The following SLC38A1 variants were observed in gnomAD, a reference collection of about 807,000 sequenced individuals.
SLC38A1 encodes the protein sodium-coupled neutral amino acid symporter 1.
SLC38A1 carries 18 observed loss-of-function variants against 60.3 expected under a neutral mutation model. The observed-to-expected ratio is 0.30, with a 90% CI of 0.21 to 0.44. The LOEUF (loss-of-function observed/expected upper bound fraction) is 0.44, where lower values mean the gene tolerates loss of function less well. SLC38A1 is among the 20% of genes least tolerant of loss of function. The pLI is 1.00. For synonymous variants in SLC38A1, 196 were observed against 212.1 expected (o/e 0.92, Z 0.66); for missense variants, 448 against 587.2 (o/e 0.76, Z 2.45).
At chr12:46,189,975 A>G (rs1230827489) in intron 16 of SLC38A1, among the ~76,000 whole-genome samples, 1 of 152,038 alleles carries the variant, frequency 6.6e-6, no homozygotes, top group African/African-American at 2.4e-5. Flanking sequence ...TCTAGGGTAC[A>G]TGTGCACAAT....
Position 46,185,990 on chromosome 12 carries a change from T to C in SLC38A1, c.*2980A>G, listed in dbSNP as rs557072918. The C allele has an allele frequency of 6.6e-6, 1 of 152,298 alleles. No homozygotes were observed. Among genetic ancestry groups the C allele is most frequent in the Admixed American group, 6.5e-5 (1 of 15,296 alleles). The allele number at this position is 152,298 out of a possible 1,614,324, so 9.4% of individuals were successfully genotyped here. ...AACACCCTCCCTGGAAACAATATTA[T>C]ATTTGATGGTTAGATTCTTTAGCAA... On this transcript the variant is annotated 3_prime_UTR_variant, in exon 17 of 17. Transcript: ENST00000398637.
At chr12:46,266,054 T>C (rs1421324526) in intron 1 of SLC38A1, among the ~76,000 whole-genome samples, 1 of 152,126 alleles carries the variant, frequency 6.6e-6, no homozygotes, top group African/African-American at 2.4e-5. Context: ...AAGACTCTCA[T>C]TTTCAAACTT....
intron 1 of SLC38A1, among the ~76,000 whole-genome samples, chr12:46,256,447 A>C (rs1194995177): frequency 6.6e-6 from 1 of 152,076 alleles, no homozygotes; most frequent in African/African-American, 2.4e-5. Context: ...TACATAGACA[A>C]ACAGAAGACA....
intron 16 of SLC38A1, among the ~76,000 whole-genome samples, chr12:46,195,036 C>CT (rs1481111064): frequency 6.6e-6 from 1 of 152,178 alleles, no homozygotes; most frequent in Non-Finnish European, 1.5e-5. Context: ...GAATTTTCAG[C>CT]TTTTCTGCTC....
chr12:46,224,806 G>C (rs1762546419), intron 5 of SLC38A1, among the ~76,000 whole-genome samples: 1 of 152,126 alleles, frequency 6.6e-6, no homozygotes, highest in African/African-American at 2.4e-5. Flanking sequence ...CTGAAGACTT[G>C]GTGTGTTGCG....
chr12:46,206,691 T>C (rs889346391), intron 8 of SLC38A1, among the ~76,000 whole-genome samples: 6 of 151,938 alleles, frequency 3.9e-5, no homozygotes, highest in Non-Finnish European at 8.8e-5. Context: ...CAAGAGGGAG[T>C]CAAAACACAA....
At chr12:46,256,626 C>T (rs185305785) in intron 1 of SLC38A1, among the ~76,000 whole-genome samples, 1,018 of 101,566 alleles carry the variant, frequency 0.01, 12 homozygotes, top group African/African-American at 0.038. Flanking sequence ...CACACACACA[C>T]ACACACACAC....
rs758329109 is a variant in SLC38A1, at chr12:46,184,153, C to A, written c.*4817G>T. Reference sequence around the variant, plus strand: ...GCCTAAAGAAGGAAAATGTCTGCACCTTGTGAACTTTACATATTTTGCAAG... The same window carrying A: ...GCCTAAAGAAGGAAAATGTCTGCACATTGTGAACTTTACATATTTTGCAAG... On this transcript the variant is annotated 3_prime_UTR_variant, in exon 17 of 17. Coordinates refer to ENST00000398637, the MANE Select transcript of SLC38A1 (RefSeq NM_030674.4). 6.6e-6 allele frequency: 1 copy of A among 152,550 alleles called. No individual in the cohort carries two copies. The highest frequency in any genetic ancestry group is 2.4e-5 in the African/African-American group (1 of 41,436). 9.4% of individuals were successfully genotyped at this position (152,550 alleles called of 1,614,324 possible).
intron 1 of SLC38A1, among the ~76,000 whole-genome samples, chr12:46,255,698 T>C (rs1029239759): frequency 6.6e-6 from 1 of 152,144 alleles, no homozygotes; most frequent in Non-Finnish European, 1.5e-5. Context: ...CCTTGGTAAG[T>C]TTGGGATTTT....
intron 1 of SLC38A1, among the ~76,000 whole-genome samples, chr12:46,261,152 C>A (rs1014399571): frequency 1.3e-5 from 2 of 152,204 alleles, no homozygotes; most frequent in Non-Finnish European, 2.9e-5. Flanking sequence ...TTAAGTATGA[C>A]CTTTCTTTCA....
intron 16 of SLC38A1, among the ~76,000 whole-genome samples, chr12:46,190,547 C>T (rs541586994): frequency 1.9e-4 from 29 of 152,314 alleles, no homozygotes; most frequent in African/African-American, 6.5e-4. Context: ...TTTACACTCC[C>T]ACCAACAGTG....
chr12:46,210,947 G>A (rs1468135425), intron 5 of SLC38A1, among the ~76,000 whole-genome samples: 1 of 152,174 alleles, frequency 6.6e-6, no homozygotes, highest in Non-Finnish European at 1.5e-5. Flanking sequence ...TGAGGGATGT[G>A]AGAAACGGAC....
At position 46,209,131 on chromosome 12, in the gene SLC38A1, A is replaced by C; in HGVS notation, c.315-4T>G. 1 of 1,573,590 alleles carries C rather than the reference A, an allele frequency of 6.4e-7. No homozygotes were observed. The highest frequency in any genetic ancestry group is 1.1e-5 in the South Asian group (1 of 89,640). ...TGTCACTGAAGTCAAAAGTACCCTAAAGCAAAGAAAATAAATCTTATTGTA... is the reference window on the plus strand; with the variant it reads ...TGTCACTGAAGTCAAAAGTACCCTACAGCAAAGAAAATAAATCTTATTGTA... On this transcript the variant is annotated splice_polypyrimidine_tract_variant and splice_region_variant and intron_variant, in intron 5 of 16. Coordinates refer to ENST00000398637, the MANE Select transcript of SLC38A1 (RefSeq NM_030674.4).
At chr12:46,258,204 A>G (rs1942092754) in intron 1 of SLC38A1, among the ~76,000 whole-genome samples, 2 of 152,116 alleles carry the variant, frequency 1.3e-5, no homozygotes, top group East Asian at 1.9e-4. Flanking sequence ...AGGTCTTTAC[A>G]ACCTGTACTT....
intron 1 of SLC38A1, among the ~76,000 whole-genome samples, chr12:46,252,658 C>T (rs890855341): frequency 6.6e-6 from 1 of 151,348 alleles, no homozygotes; most frequent in African/African-American, 2.4e-5. Flanking sequence ...AAAAGTTCAC[C>T]TGTTATCTCA....
At chr12:46,194,301 C>A (rs1004906717) in intron 16 of SLC38A1, among the ~76,000 whole-genome samples, 1 of 152,156 alleles carries the variant, frequency 6.6e-6, no homozygotes, top group Admixed American at 6.5e-5. Flanking sequence ...GCAGAGAGAT[C>A]GGCTGTTAGT....
chr12:46,198,505 T>G, intron 14 of SLC38A1, 120 bp downstream of exon 14: 1 of 635,346 alleles, frequency 1.6e-6, no homozygotes, highest in Non-Finnish European at 2.7e-6. Context: ...CTTTCCCAGA[T>G]GCAGATTCAA....
chr12:46,225,817 C>A (rs200132404), intron 5 of SLC38A1, among the ~76,000 whole-genome samples: 3 of 152,150 alleles, frequency 2.0e-5, no homozygotes, highest in Non-Finnish European at 2.9e-5. Flanking sequence ...AAACAAAAAT[C>A]AGCTTGTACC....
intron 16 of SLC38A1, among the ~76,000 whole-genome samples, chr12:46,194,025 G>A (rs1939260476): frequency 6.6e-6 from 1 of 152,166 alleles, no homozygotes; most frequent in African/African-American, 2.4e-5. Flanking sequence ...TTTTTTCATA[G>A]AGTCACTGGT....
Sources: allele counts gnomAD v4.1 joint callset (sites outside exome capture counted in the v4.1 genomes callset), GRCh38; gene constraint gnomAD v4.1.1; transcripts MANE v1.5; gene names NCBI Gene and HGNC (gene_info 2026-07-23, HGNC 2026-07-21).